Variants in LRP1B observed in about 807,000 individuals in gnomAD.
The protein encoded by LRP1B is LDL receptor related protein 1B.
LRP1B carries 217 observed loss-of-function variants against 556.6 expected under a neutral mutation model. That is an observed-to-expected ratio of 0.39 (90% CI 0.35 to 0.44). LRP1B has a LOEUF of 0.44. Among genes scored for constraint, LRP1B ranks in the 20% least tolerant of loss-of-function variants. The pLI is 1.00. For synonymous variants in LRP1B, 2,047 were observed against 1,865.8 expected (o/e 1.10, Z -2.50); for missense variants, 5,053 against 5,620.8 (o/e 0.90, Z 3.23).
chr2:140,416,245 A>C (rs1462100492), intron 66 of LRP1B, among the ~76,000 whole-genome samples: 1 of 152,220 alleles, frequency 6.6e-6, no homozygotes, highest in Non-Finnish European at 1.5e-5. Context: ...TCCTTAGGAT[A>C]ATCTAATGCC....
chr2:140,932,711 ATTT>A (rs573055487), intron 20 of LRP1B, among the ~76,000 whole-genome samples: 1 of 144,752 alleles, frequency 6.9e-6, no homozygotes, highest in Non-Finnish European at 1.5e-5. Flanking sequence ...TGTCTCTATA[ATTT>A]TTTTTTTTTT....
At position 140,572,243 on chromosome 2, in the gene LRP1B, T is replaced by C. The variant is rs115052035; in HGVS notation, c.7194+26388A>G. 3.0e-3 allele frequency among the ~76,000 whole-genome samples: 455 copies of C among 151,660 alleles called. 2 individuals are homozygous for C. The highest frequency in any genetic ancestry group is 5.2e-3 in the Admixed American group (79 of 15,206). Reference sequence around the variant, plus strand: ...AAGAAAATATTTGTAAACTATTTATTTGGTAAGTGATTAATATCCACAATA... The same window carrying C: ...AAGAAAATATTTGTAAACTATTTATCTGGTAAGTGATTAATATCCACAATA... On this transcript the variant is annotated intron_variant, in intron 43 of 90. Transcript: ENST00000389484.
At chr2:140,883,079 T>C (rs986806342) in intron 25 of LRP1B, among the ~76,000 whole-genome samples, 30 of 152,102 alleles carry the variant, frequency 2.0e-4, no homozygotes, top group Admixed American at 1.6e-3. Context: ...TTATCCCCAA[T>C]TCATAGAATA....
chr2:140,629,920 C>A (rs760832312), intron 41 of LRP1B, among the ~76,000 whole-genome samples: 1 of 152,100 alleles, frequency 6.6e-6, no homozygotes, highest in Non-Finnish European at 1.5e-5. Flanking sequence ...TGCAATCAAA[C>A]CCAAAATAAT....
intron 83 of LRP1B, among the ~76,000 whole-genome samples, chr2:140,314,299 C>A (rs576030220): frequency 6.6e-6 from 1 of 152,074 alleles, no homozygotes; most frequent in African/African-American, 2.4e-5. Flanking sequence ...TCATGGGACA[C>A]ATTTTAAATT....
intron 3 of LRP1B, among the ~76,000 whole-genome samples, chr2:141,336,887 T>G (rs1303006619): frequency 1.3e-5 from 2 of 152,192 alleles, no homozygotes; most frequent in East Asian, 3.9e-4. Context: ...GTTTATTACT[T>G]TTATTTGTTG....
At chr2:140,617,493 A>G (rs1049077771) in intron 41 of LRP1B, among the ~76,000 whole-genome samples, 2 of 151,970 alleles carry the variant, frequency 1.3e-5, no homozygotes, top group African/African-American at 4.8e-5. Flanking sequence ...TAATAGCAAA[A>G]GTGGTAAGAA....
chr2:141,039,291 C>A, intron 11 of LRP1B, among the ~76,000 whole-genome samples: 1 of 152,002 alleles, frequency 6.6e-6, no homozygotes, highest in East Asian at 1.9e-4. Flanking sequence ...ATGCACATAA[C>A]ATTTATTATA....
chr2:141,706,864 G>C (rs1298123008), intron 2 of LRP1B, among the ~76,000 whole-genome samples: 1 of 151,900 alleles, frequency 6.6e-6, no homozygotes, highest in Non-Finnish European at 1.5e-5. Context: ...TTAAAAACTA[G>C]TAATATTTGA....
intron 2 of LRP1B, among the ~76,000 whole-genome samples, chr2:141,555,128 A>G (rs929424074): frequency 6.6e-6 from 1 of 151,988 alleles, no homozygotes; most frequent in African/African-American, 2.4e-5. Flanking sequence ...TGATGTAGAG[A>G]TATACACATA....
At chr2:140,358,454 G>T (rs1016324445) in intron 73 of LRP1B, among the ~76,000 whole-genome samples, 2 of 151,602 alleles carry the variant, frequency 1.3e-5, no homozygotes, top group African/African-American at 4.8e-5. Flanking sequence ...TAAGTCTTTT[G>T]CATTAAAAAC....
intron 7 of LRP1B, among the ~76,000 whole-genome samples, chr2:141,186,104 T>C (rs1681248873): frequency 1.7e-5 from 2 of 116,698 alleles, no homozygotes; most frequent in South Asian, 5.9e-4. Context: ...AAAAAACCAG[T>C]ATGCTTAAGT....
intron 1 of LRP1B, among the ~76,000 whole-genome samples, chr2:141,885,696 A>C (rs1699090998): frequency 6.6e-6 from 1 of 152,208 alleles, no homozygotes; most frequent in Admixed American, 6.5e-5. Flanking sequence ...AGTGACTTTC[A>C]ATTTGAGATC....
intron 47 of LRP1B, among the ~76,000 whole-genome samples, chr2:140,533,192 T>C (rs1360736457): frequency 1.3e-5 from 2 of 151,776 alleles, no homozygotes; most frequent in East Asian, 3.9e-4. Context: ...ACATTGGTAT[T>C]CCATTAAAAG....
intron 7 of LRP1B, among the ~76,000 whole-genome samples, chr2:141,136,302 C>T (rs1701490982): frequency 6.6e-6 from 1 of 151,702 alleles, no homozygotes; most frequent in Admixed American, 6.6e-5. Context: ...GAACTTAGCA[C>T]CTCTTGATTA....
intron 2 of LRP1B, among the ~76,000 whole-genome samples, chr2:141,749,116 T>A (rs932059181): frequency 6.6e-6 from 1 of 152,170 alleles, no homozygotes; most frequent in Non-Finnish European, 1.5e-5. Context: ...TGGCCCTTTA[T>A]AATAAACTCC....
intron 52 of LRP1B, among the ~76,000 whole-genome samples, chr2:140,507,149 C>T (rs1316311213): frequency 1.3e-5 from 2 of 152,052 alleles, no homozygotes; most frequent in Non-Finnish European, 2.9e-5. Flanking sequence ...TTCATGAATT[C>T]AACTATTCCA....
Position 141,162,096 on chromosome 2 carries a change from A to G in LRP1B, c.1013+26325T>C, listed in dbSNP as rs140410239. ...TAGGCATATTATGTCTCTCCCTTATAACAGTAACCTCAGGCCAGTCTAATC... is the reference window on the plus strand; with the variant it reads ...TAGGCATATTATGTCTCTCCCTTATGACAGTAACCTCAGGCCAGTCTAATC... On this transcript the variant is annotated intron_variant, in intron 7 of 90. Coordinates refer to ENST00000389484, the MANE Select transcript of LRP1B (RefSeq NM_018557.3). Among the ~76,000 whole-genome samples the G allele has an allele frequency of 9.5e-4, 144 of 152,226 alleles. 1 individual carries two copies. Among genetic ancestry groups the G allele is most frequent in the African/African-American group, 3.3e-3 (136 of 41,570 alleles).
At chr2:141,526,826 A>T (rs756673205) in intron 2 of LRP1B, among the ~76,000 whole-genome samples, 1 of 152,132 alleles carries the variant, frequency 6.6e-6, no homozygotes, top group Non-Finnish European at 1.5e-5. Context: ...TTTTCTTTGA[A>T]TGCATAAAAA....
Sources: allele counts gnomAD v4.1 joint callset (sites outside exome capture counted in the v4.1 genomes callset), GRCh38; gene constraint gnomAD v4.1.1; transcripts MANE v1.5; gene names NCBI Gene and HGNC (gene_info 2026-07-23, HGNC 2026-07-21).